The following KIAA1217 variants were observed in gnomAD, a reference collection of about 807,000 sequenced individuals.
KIAA1217 encodes sickle tail protein homolog.
Under a neutral mutation model 163.9 loss-of-function variants are expected in KIAA1217, and 88 were observed. The ratio of observed to expected loss-of-function variants is 0.54; its 90% CI spans 0.45 to 0.64. The LOEUF is 0.64. KIAA1217 is among the 30% of genes least tolerant of loss of function. The pLI is 0.00. For missense variants in KIAA1217, 2,372 were observed against 2,475.0 expected (o/e 0.96, Z 0.88); for synonymous variants, 903 against 923.1 (o/e 0.98, Z 0.39).
chr10:24,136,158 G>A (rs995707694), intron 2 of KIAA1217, among the ~76,000 whole-genome samples: 3 of 152,084 alleles, frequency 2.0e-5, no homozygotes, highest in Non-Finnish European at 4.4e-5. Flanking sequence ...ATAGCAATAT[G>A]GATCCATTCG....
intron 3 of KIAA1217, among the ~76,000 whole-genome samples, chr10:24,407,683 A>T (rs972980724): frequency 4.6e-5 from 7 of 152,208 alleles, no homozygotes; most frequent in African/African-American, 1.2e-4. Context: ...GAAGGCAGAC[A>T]TGGCCATAAT....
intron 2 of KIAA1217, among the ~76,000 whole-genome samples, chr10:24,343,954 T>C (rs776804328): frequency 8.5e-5 from 13 of 152,204 alleles, no homozygotes; most frequent in Non-Finnish European, 1.6e-4. Flanking sequence ...TGTTTTTCCG[T>C]CTCCAATTCT....
intron 6 of KIAA1217, among the ~76,000 whole-genome samples, chr10:24,492,172 C>T (rs2066240498): frequency 6.6e-6 from 1 of 152,104 alleles, no homozygotes; most frequent in Admixed American, 6.5e-5. Flanking sequence ...CAAGTCTGTG[C>T]CCCCCATGTG....
intron 1 of KIAA1217, among the ~76,000 whole-genome samples, chr10:23,914,364 G>C (rs146233960): frequency 9.9e-4 from 151 of 152,210 alleles, no homozygotes; most frequent in African/African-American, 3.5e-3. Context: ...TCCCAGGCTG[G>C]AGTGTAGTGG....
intron 3 of KIAA1217, among the ~76,000 whole-genome samples, chr10:24,396,315 C>T (rs988826972): frequency 1.1e-4 from 16 of 151,642 alleles, no homozygotes; most frequent in South Asian, 1.0e-3. Context: ...CCAGCCTGGG[C>T]GACAGAGTGA....
chr10:24,059,894 C>A (rs577830163), intron 2 of KIAA1217, among the ~76,000 whole-genome samples: 1 of 152,204 alleles, frequency 6.6e-6, no homozygotes, highest in East Asian at 1.9e-4. Context: ...TCTTCATCAC[C>A]CAGTCTTGGT....
At chr10:24,513,803 CAGAG>C (rs1469211396) in intron 10 of KIAA1217, among the ~76,000 whole-genome samples, 1 of 129,650 alleles carries the variant, frequency 7.7e-6, no homozygotes, top group Non-Finnish European at 1.6e-5. Context: ...AAAAAAAAAA[CAGAG>C]AGAGTTGCAG....
At chr10:23,746,983 A>G (rs1394564057) in intron 1 of KIAA1217, among the ~76,000 whole-genome samples, 1 of 152,180 alleles carries the variant, frequency 6.6e-6, no homozygotes, top group Admixed American at 6.5e-5. Context: ...GTATCTGATT[A>G]TAGTGAAGGA....
At chr10:24,294,497 G>A (rs1203545435) in intron 2 of KIAA1217, among the ~76,000 whole-genome samples, 1 of 152,160 alleles carries the variant, frequency 6.6e-6, no homozygotes, top group Non-Finnish European at 1.5e-5. Flanking sequence ...GTGTGTGGAT[G>A]CTACTTTCAT....
chr10:24,341,735 A>G (rs143427872), intron 2 of KIAA1217, among the ~76,000 whole-genome samples: 108 of 152,336 alleles, frequency 7.1e-4, no homozygotes, highest in African/African-American at 2.4e-3. Context: ...AGAATTTCCC[A>G]CTGGCTTTCC....
chr10:24,546,415 T>C lies in KIAA1217; in HGVS notation c.*91T>C. 1.6e-6 allele frequency: 2 copies of C among 1,281,110 alleles called. No homozygotes were observed. The highest frequency in any genetic ancestry group is 2.1e-6 in the Non-Finnish European group (2 of 934,590). The allele number at this position is 1,281,110 out of a possible 1,614,324, so 79.4% of individuals were successfully genotyped here. On this transcript the variant is annotated 3_prime_UTR_variant, in exon 21 of 21. Transcript: ENST00000376454. The stretch of plus-strand genomic sequence containing the variant: ...GTTTTCACAAGAGAATGTAACATAT[T>C]GCTGTATCGTTTGAGGCTTAATGCT...
chr10:23,795,728 G>A (rs1051387092), intron 1 of KIAA1217, among the ~76,000 whole-genome samples: 2 of 152,138 alleles, frequency 1.3e-5, no homozygotes, highest in Non-Finnish European at 2.9e-5. Context: ...AGGAAGAAAT[G>A]CAAAACAAAG....
intron 2 of KIAA1217, among the ~76,000 whole-genome samples, chr10:24,187,712 G>GAC (rs2066506543): frequency 6.7e-6 from 1 of 149,556 alleles, no homozygotes; most frequent in African/African-American, 2.5e-5. Flanking sequence ...CCAACATGGA[G>GAC]ACACCCCATC....
At chr10:24,347,859 T>G (rs1450347533) in intron 2 of KIAA1217, among the ~76,000 whole-genome samples, 2 of 152,178 alleles carry the variant, frequency 1.3e-5, no homozygotes, top group Non-Finnish European at 2.9e-5. Flanking sequence ...ACAAATACAT[T>G]GTGAAATGGT....
At chr10:23,790,456 TG>T (rs1334987270) in intron 1 of KIAA1217, among the ~76,000 whole-genome samples, 6 of 107,118 alleles carry the variant, frequency 5.6e-5, no homozygotes, top group Non-Finnish European at 1.0e-4. Context: ...TATATACATG[TG>T]CATATATACA....
At chr10:23,775,480 C>G (rs149031415) in intron 1 of KIAA1217, among the ~76,000 whole-genome samples, 405 of 152,050 alleles carry the variant, frequency 2.7e-3, no homozygotes, top group African/African-American at 7.6e-3. Flanking sequence ...CTTAAGACAC[C>G]CAGGTGCCAG....
chr10:23,928,197 C>A (rs557771241), intron 1 of KIAA1217, among the ~76,000 whole-genome samples: 1 of 152,286 alleles, frequency 6.6e-6, no homozygotes, highest in Non-Finnish European at 1.5e-5. Context: ...CTCCTTCGAG[C>A]AGCACAGGGT....
chr10:23,822,939 G>T (rs984949461), intron 1 of KIAA1217, among the ~76,000 whole-genome samples: 4 of 152,158 alleles, frequency 2.6e-5, no homozygotes, highest in African/African-American at 9.7e-5. Flanking sequence ...AATTAAAGAT[G>T]AGGGAAGCAC....
chr10:23,831,596 G>C (rs546343935), intron 1 of KIAA1217, among the ~76,000 whole-genome samples: 3 of 152,004 alleles, frequency 2.0e-5, no homozygotes, highest in Admixed American at 1.3e-4. Context: ...TTAAATAATT[G>C]TATTAGGAAT....
Sources: gnomAD v4.1 joint callset for allele counts (sites outside exome capture counted in the v4.1 genomes callset) on GRCh38, gnomAD v4.1.1 for gene constraint, MANE v1.5 for transcripts, NCBI Gene and HGNC (gene_info 2026-07-23, HGNC 2026-07-21) for gene names.